The following PDE3B variants were observed in gnomAD, a reference collection of about 807,000 sequenced individuals.
The protein encoded by PDE3B is cGMP-inhibited 3',5'-cyclic phosphodiesterase 3B.
Under a neutral mutation model 116.8 loss-of-function variants are expected in PDE3B, and 66 were observed. The ratio of observed to expected loss-of-function variants is 0.56; its 90% CI spans 0.46 to 0.69. The LOEUF (loss-of-function observed/expected upper bound fraction) is 0.69. Ranked by LOEUF, PDE3B falls within the 30% of genes least tolerant of loss-of-function variation. The pLI is 0.00. For missense variants in PDE3B, 1,384 were observed against 1,368.1 expected (o/e 1.01, Z -0.18); for synonymous variants, 595 against 533.6 (o/e 1.12, Z -1.59).
chr11:14,880,521 G>C, the PDE3B span: 5 of 1,613,452 alleles, frequency 3.1e-6, no homozygotes, highest in Non-Finnish European at 4.2e-6. Context: ...GCTGAAAATC[G>C]GTGTCTTCAT....
intron 4 of PDE3B, among the ~76,000 whole-genome samples, chr11:14,797,563 C>T (rs1009857742): frequency 4.6e-5 from 7 of 152,280 alleles, no homozygotes; most frequent in Admixed American, 2.0e-4. Flanking sequence ...TATCCATTAG[C>T]ATGGAATGTT....
chr11:14,665,208 A>T (rs1281174850), intron 1 of PDE3B, among the ~76,000 whole-genome samples: 1 of 152,206 alleles, frequency 6.6e-6, no homozygotes, highest in African/African-American at 2.4e-5. Context: ...CCTTTGACAA[A>T]ATTCAACAAC....
the PDE3B span, among the ~76,000 whole-genome samples, chr11:14,897,585 C>A: frequency 6.6e-6 from 1 of 152,298 alleles, no homozygotes; most frequent in Non-Finnish European, 1.5e-5. Context: ...TGTTCTTCAA[C>A]AACTTTGAAA....
At chr11:14,819,535 T>A (rs1296084442) in intron 7 of PDE3B, among the ~76,000 whole-genome samples, 1 of 152,206 alleles carries the variant, frequency 6.6e-6, no homozygotes, top group Admixed American at 6.5e-5. Flanking sequence ...ATAAATTTTT[T>A]ATGGCATAAA....
chr11:14,746,254 C>T (rs1394065683), intron 1 of PDE3B, among the ~76,000 whole-genome samples: 10 of 152,032 alleles, frequency 6.6e-5, no homozygotes, highest in African/African-American at 1.7e-4. Context: ...ATTAGCTGGG[C>T]GTGGTGGCAT....
chr11:14,744,104 AT>A, intron 1 of PDE3B, among the ~76,000 whole-genome samples: 1 of 152,258 alleles, frequency 6.6e-6, no homozygotes, highest in East Asian at 1.9e-4. Context: ...ATATAGGTTT[AT>A]TTCTCAATTC....
At chr11:14,728,318 C>T (rs1362447034) in intron 1 of PDE3B, among the ~76,000 whole-genome samples, 1 of 151,900 alleles carries the variant, frequency 6.6e-6, no homozygotes, top group Non-Finnish European at 1.5e-5. Flanking sequence ...ATACTTGTAA[C>T]CTAATGAAAA....
At chr11:14,887,485 T>G in the PDE3B span, 2 of 668,676 alleles carry the variant, frequency 3.0e-6, no homozygotes, top group African/African-American at 3.9e-5. Flanking sequence ...TTGTGAAAAC[T>G]TATCCTTAAA....
At chr11:14,707,016 T>C (rs1194672486) in intron 1 of PDE3B, among the ~76,000 whole-genome samples, 1 of 151,934 alleles carries the variant, frequency 6.6e-6, no homozygotes, top group Non-Finnish European at 1.5e-5. Flanking sequence ...GCCTCTGTCA[T>C]GGAACTTAGA....
chr11:14,786,441 C>G lies in PDE3B; in HGVS notation c.1034C>G (p.Ser345Cys). 6.2e-7 allele frequency: 1 copy of G among 1,608,142 alleles called. No individual in the cohort carries two copies. Residue 345 changes from serine (S) to cysteine (C), a missense_variant, in exon 3 of 16, where the codon TCT becomes TGT. Ser to Cys is a moderately radical substitution (Grantham distance 112, BLOSUM62 -1). Coordinates refer to ENST00000282096, the MANE Select transcript of PDE3B (RefSeq NM_000922.4). ...TTTCACTTTTTTTCTTTCTAGAATT[C>G]TGGAGGTGGAAATGGAGTTGATCTT... ...KQWYKPHYQN[S>C]GGGNGVDLSV...
chr11:14,686,874 T>A (rs906411634), intron 1 of PDE3B, among the ~76,000 whole-genome samples: 1 of 152,082 alleles, frequency 6.6e-6, no homozygotes, highest in Non-Finnish European at 1.5e-5. Context: ...CCACCATGGC[T>A]GGCTAATTTT....
intron 14 of PDE3B, among the ~76,000 whole-genome samples, chr11:14,863,177 C>G (rs1355972612): frequency 6.6e-6 from 1 of 152,104 alleles, no homozygotes; most frequent in Non-Finnish European, 1.5e-5. Flanking sequence ...TGATGGTTTC[C>G]AGCTTCATCT....
chr11:14,767,903 A>AT (rs1156567600), intron 1 of PDE3B, among the ~76,000 whole-genome samples: 3 of 150,926 alleles, frequency 2.0e-5, no homozygotes, highest in Non-Finnish European at 4.5e-5. Flanking sequence ...TCATATATAT[A>AT]TTTTTTTCGT....
At chr11:14,740,530 TG>T (rs1856738525) in intron 1 of PDE3B, among the ~76,000 whole-genome samples, 1 of 152,190 alleles carries the variant, frequency 6.6e-6, no homozygotes, top group African/African-American at 2.4e-5. Context: ...CTGTCTATTT[TG>T]GTAATGTTTT....
the PDE3B span, among the ~76,000 whole-genome samples, chr11:14,889,002 T>G: frequency 1.1e-4 from 17 of 152,326 alleles, no homozygotes; most frequent in African/African-American, 3.4e-4. Context: ...TAATTTTCAG[T>G]GTGATACACT....
rs782728172 is a variant in PDE3B at position 14,861,314 on chromosome 11, G to A, written c.2834G>A (p.Arg945Gln). The A allele has an allele frequency of 3.1e-6, 5 of 1,613,866 alleles. No homozygotes were observed. Among genetic ancestry groups the A allele is most frequent in the South Asian group, 2.2e-5 (2 of 91,066 alleles). Residue 945 changes from arginine to glutamine, a missense_variant, in exon 14 of 16, where the codon CGA (arginine) becomes CAA (glutamine). Transcript: ENST00000282096. ...GATATAAATGGCCCAGCAAAAGTTC[G>A]AGACTTGCATTTGAAATGGACAGAA... ...LADINGPAKV[R>Q]DLHLKWTEGI...
intron 1 of PDE3B, among the ~76,000 whole-genome samples, chr11:14,663,105 ATC>A (rs1254832026): frequency 1.3e-5 from 2 of 152,194 alleles, no homozygotes; most frequent in South Asian, 2.1e-4. Context: ...CTAACAGCGG[ATC>A]TCTCAGCAGA....
chr11:14,837,960 A>AT (rs957377023), intron 11 of PDE3B, among the ~76,000 whole-genome samples: 20 of 149,318 alleles, frequency 1.3e-4, no homozygotes, highest in Middle Eastern at 3.4e-3. Flanking sequence ...AGAAACCCTT[A>AT]TTTTTTTTTT....
intron 1 of PDE3B, among the ~76,000 whole-genome samples, chr11:14,648,372 A>C (rs1853471603): frequency 6.6e-6 from 1 of 152,132 alleles, no homozygotes; most frequent in Non-Finnish European, 1.5e-5. Flanking sequence ...ATACATATGT[A>C]GTGTGAGAGC....
Sources: allele counts gnomAD v4.1 joint callset (sites outside exome capture counted in the v4.1 genomes callset), GRCh38; gene constraint gnomAD v4.1.1; transcripts MANE v1.5; gene names NCBI Gene and HGNC (gene_info 2026-07-23, HGNC 2026-07-21).